ALDH1A2: variants seen among roughly 807,000 people sequenced by gnomAD.
ALDH1A2 encodes retinal dehydrogenase 2.
A neutral mutation model predicts 60.3 loss-of-function variants in ALDH1A2; 27 were observed. That is an observed-to-expected ratio of 0.45 (90% confidence interval 0.33 to 0.62). The LOEUF is 0.62. Among genes scored for constraint, ALDH1A2 ranks in the 20% least tolerant of loss-of-function variants. The pLI, the probability that ALDH1A2 is intolerant of heterozygous loss-of-function variation, is 0.02. For synonymous variants in ALDH1A2, 289 were observed against 232.4 expected (o/e 1.24, Z -2.21); for missense variants, 581 against 643.8 (o/e 0.90, Z 1.06).
chr15:58,043,473 T>A (rs1048191301), intron 1 of ALDH1A2, among the ~76,000 whole-genome samples: 7 of 152,020 alleles, frequency 4.6e-5, no homozygotes, highest in Admixed American at 4.6e-4. Context: ...TTGTTCCTTC[T>A]CTAAAGAGTG....
chr15:58,010,143 C>T (rs4646595), intron 4 of ALDH1A2, among the ~76,000 whole-genome samples: 69,508 of 151,896 alleles, frequency 0.46, 16,479 homozygotes, highest in Non-Finnish European at 0.53. Context: ...AAGTAATTCA[C>T]GGCCGTTCGA....
chr15:57,955,348 G>C, intron 12 of ALDH1A2, 79 bp from the exon 13 acceptor site: 1 of 1,475,908 alleles, frequency 6.8e-7, no homozygotes, highest in Admixed American at 1.7e-5. Context: ...TCCTGGGGAG[G>C]TGCAGTTTAT....
intron 7 of ALDH1A2, among the ~76,000 whole-genome samples, chr15:57,987,265 AAAT>A (rs1267766088): frequency 1.3e-5 from 2 of 152,190 alleles, no homozygotes; most frequent in Admixed American, 1.3e-4. Context: ...AGATTTGAAA[AAAT>A]AATGGTCAAA....
intron 1 of ALDH1A2, among the ~76,000 whole-genome samples, chr15:58,059,962 G>A (rs556664494): frequency 3.9e-5 from 6 of 152,170 alleles, no homozygotes; most frequent in African/African-American, 7.2e-5. Context: ...CACTCTTGTC[G>A]CCCAGGCTGG....
intron 1 of ALDH1A2, among the ~76,000 whole-genome samples, chr15:58,016,476 A>C (rs1895793283): frequency 1.3e-5 from 2 of 152,062 alleles, no homozygotes; most frequent in Non-Finnish European, 2.9e-5. Flanking sequence ...CAGCAGTTTT[A>C]ATTATTTGTA....
intron 1 of ALDH1A2, 41 bp from the exon 2 acceptor site, chr15:58,014,322 G>T (rs1895728057): frequency 6.7e-7 from 1 of 1,498,366 alleles, no homozygotes; most frequent in Middle Eastern, 1.7e-4. Context: ...TGACACAGGT[G>T]ATAAGCAGCC....
chr15:58,019,088 A>C (rs1257018685), intron 1 of ALDH1A2, among the ~76,000 whole-genome samples: 2 of 152,182 alleles, frequency 1.3e-5, no homozygotes, highest in Non-Finnish European at 2.9e-5. Flanking sequence ...TGAAGTGTAC[A>C]CAGAAATTTT....
chr15:57,967,583 C>T (rs1893938059), intron 7 of ALDH1A2, among the ~76,000 whole-genome samples: 1 of 152,196 alleles, frequency 6.6e-6, no homozygotes, highest in South Asian at 2.1e-4. Flanking sequence ...TTAACTGTAA[C>T]TCTGCCTCCT....
intron 7 of ALDH1A2, among the ~76,000 whole-genome samples, chr15:57,973,582 A>T (rs1303803128): frequency 9.9e-5 from 15 of 152,212 alleles, no homozygotes; most frequent in Admixed American, 1.3e-4. Context: ...ACAGCTGAAA[A>T]GGGGTTTGGG....
intron 1 of ALDH1A2, among the ~76,000 whole-genome samples, chr15:58,021,069 G>T (rs1483545114): frequency 6.6e-6 from 1 of 152,034 alleles, no homozygotes; most frequent in Non-Finnish European, 1.5e-5. Flanking sequence ...CCTTTCTCCA[G>T]TATTTGTCTC....
chr15:58,042,942 A>G (rs923236873), intron 1 of ALDH1A2, among the ~76,000 whole-genome samples: 2 of 151,978 alleles, frequency 1.3e-5, no homozygotes, highest in Non-Finnish European at 2.9e-5. Context: ...ATGTCATTTT[A>G]TAGTTTGTTA....
At chr15:58,060,993 A>G (rs1352893456) in intron 1 of ALDH1A2, among the ~76,000 whole-genome samples, 2 of 152,326 alleles carry the variant, frequency 1.3e-5, no homozygotes, top group East Asian at 1.9e-4. Flanking sequence ...TGCCTTTCTT[A>G]AGCCTGGCTA....
At chr15:57,977,828 A>G (rs1454456615) in intron 7 of ALDH1A2, among the ~76,000 whole-genome samples, 1 of 151,724 alleles carries the variant, frequency 6.6e-6, no homozygotes, top group Admixed American at 6.6e-5. Context: ...TTGTGATACC[A>G]TGAGTATGGA....
chr15:57,991,875 C>G (rs2140490102), intron 7 of ALDH1A2, among the ~76,000 whole-genome samples: 1 of 152,260 alleles, frequency 6.6e-6, no homozygotes, highest in African/African-American at 2.4e-5. Context: ...ATGAATCAGA[C>G]TTTCCTATCA....
chr15:58,023,628 G>A (rs117052452), intron 1 of ALDH1A2, among the ~76,000 whole-genome samples: 2,014 of 138,054 alleles, frequency 0.015, 21 homozygotes, highest in African/African-American at 0.033. Flanking sequence ...CAGGCCAGAA[G>A]AGAATGAGAT....
In ALDH1A2 at chr15:58,013,917, T is replaced by A; in HGVS notation, c.304A>T (p.Arg102Trp). Residue 102 changes from arginine to tryptophan, a missense_variant, in exon 3 of 13, where the codon AGG (arginine) becomes TGG (tryptophan). Arg to Trp is a moderately radical substitution (Grantham distance 101, BLOSUM62 -3). This residue lies in a region of ALDH1A2 where 206 missense variants were observed against 174.1 expected (regional missense o/e 1.18). Coordinates refer to ENST00000249750, the MANE Select transcript of ALDH1A2 (RefSeq NM_003888.4). ...SVWRRMDASERGRLLDKLADL... is the reference protein window; with the variant it reads ...SVWRRMDASEWGRLLDKLADL... ...GCAAGCTTATCCAACAGACGTCCCCTTTCTGAAGCATCCATCCTTCTCCAC... is the reference window on the plus strand; with the variant it reads ...GCAAGCTTATCCAACAGACGTCCCCATTCTGAAGCATCCATCCTTCTCCAC... 1.2e-6 allele frequency: 2 copies of A among 1,614,146 alleles called. No homozygotes were observed. The highest frequency in any genetic ancestry group is 1.7e-6 in the Non-Finnish European group (2 of 1,180,012).
At chr15:58,032,667 C>A (rs1199325259) in intron 1 of ALDH1A2, among the ~76,000 whole-genome samples, 1 of 151,822 alleles carries the variant, frequency 6.6e-6, no homozygotes, top group Non-Finnish European at 1.5e-5. Context: ...TCAAGCAATC[C>A]CACTATTGGT....
At chr15:57,958,103 G>A (rs1362640732) in intron 12 of ALDH1A2, among the ~76,000 whole-genome samples, 1 of 152,154 alleles carries the variant, frequency 6.6e-6, no homozygotes, top group Non-Finnish European at 1.5e-5. Flanking sequence ...GGGTCCTATC[G>A]CAGATCAACT....
intron 4 of ALDH1A2, 87 bp from the exon 5 acceptor site, chr15:57,995,226 A>G (rs1895014216): frequency 1.3e-6 from 1 of 750,816 alleles, no homozygotes; most frequent in Non-Finnish European, 2.2e-6. Flanking sequence ...GCAAAAAAAA[A>G]AAAAAAAAAA....
Sources: allele counts gnomAD v4.1 joint callset (sites outside exome capture counted in the v4.1 genomes callset), GRCh38; gene constraint gnomAD v4.1.1; regional missense constraint gnomAD v4.1.1; transcripts MANE v1.5; gene names NCBI Gene and HGNC (gene_info 2026-07-23, HGNC 2026-07-21).